GSK3B: variants seen among roughly 807,000 people sequenced by gnomAD.
GSK3B encodes glycogen synthase kinase-3 beta.
GSK3B carries 15 observed loss-of-function variants against 56.4 expected under a neutral mutation model. The ratio of observed to expected loss-of-function variants is 0.27; its 90% CI spans 0.18 to 0.41. The LOEUF (loss-of-function observed/expected upper bound fraction) is 0.41. Among genes scored for constraint, GSK3B ranks in the 10% least tolerant of loss-of-function variants. GSK3B has a pLI of 1.00. For missense variants in GSK3B, 300 were observed against 513.4 expected (o/e 0.58, Z 4.02); for synonymous variants, 181 against 188.9 (o/e 0.96, Z 0.34).
At chr3:120,033,581 T>A (rs1286008988) in intron 1 of GSK3B, among the ~76,000 whole-genome samples, 2 of 152,230 alleles carry the variant, frequency 1.3e-5, no homozygotes, top group South Asian at 2.1e-4. Flanking sequence ...ATGTTGAGCA[T>A]CTTTTCGTGC....
intron 1 of GSK3B, among the ~76,000 whole-genome samples, chr3:120,079,342 ACACACAC>A (rs1559904479): frequency 4.5e-5 from 6 of 134,406 alleles, no homozygotes; most frequent in East Asian, 2.0e-4. Flanking sequence ...ACACACACAC[ACACACAC>A]ATTTTTTTTT....
At chr3:119,918,210 C>G (rs1380319138) in intron 4 of GSK3B, among the ~76,000 whole-genome samples, 1 of 151,950 alleles carries the variant, frequency 6.6e-6, no homozygotes, top group Non-Finnish European at 1.5e-5. Flanking sequence ...GTGGCTCACA[C>G]CTATAACCCT....
At chr3:119,978,103 T>C (rs186759643) in intron 2 of GSK3B, among the ~76,000 whole-genome samples, 1 of 152,234 alleles carries the variant, frequency 6.6e-6, no homozygotes, top group Admixed American at 6.5e-5. Flanking sequence ...TTCACCTTAA[T>C]AAGAAACTGC....
At chr3:119,850,681 G>A (rs1281642894) in intron 9 of GSK3B, among the ~76,000 whole-genome samples, 1 of 152,174 alleles carries the variant, frequency 6.6e-6, no homozygotes, top group Non-Finnish European at 1.5e-5. Context: ...AATATAAACT[G>A]CAGTGAAAGA....
intron 9 of GSK3B, among the ~76,000 whole-genome samples, chr3:119,854,626 C>G (rs991432046): frequency 6.6e-6 from 1 of 152,232 alleles, no homozygotes; most frequent in Non-Finnish European, 1.5e-5. Flanking sequence ...AGGGATTCAA[C>G]TTCTTCCTGG....
intron 1 of GSK3B, among the ~76,000 whole-genome samples, chr3:120,064,217 T>C (rs2058261751): frequency 6.6e-6 from 1 of 151,738 alleles, no homozygotes; most frequent in Non-Finnish European, 1.5e-5. Flanking sequence ...GAGAAAACCT[T>C]ATAACCCTAA....
At chr3:119,866,579 T>A in intron 8 of GSK3B, 1 of 1,588,584 alleles carries the variant, frequency 6.3e-7, no homozygotes, top group Non-Finnish European at 8.6e-7. Flanking sequence ...AAAAAAAAAT[T>A]AAGTACATAC....
At chr3:119,969,929 C>T (rs1487679691) in intron 2 of GSK3B, among the ~76,000 whole-genome samples, 1 of 152,172 alleles carries the variant, frequency 6.6e-6, no homozygotes, top group Non-Finnish European at 1.5e-5. Context: ...TCCCTCCTAC[C>T]AGGTCATGAA....
rs143112121 is a variant in GSK3B at position 119,990,098 on chromosome 3, C to A, written c.282+11948G>T. On this transcript the variant is annotated intron_variant, in intron 2 of 10. Transcript: ENST00000264235. ...TGGCTAAGGTCAGCATGACCATAAACCACAAATAACATCTCCAACCAGAAA... is the reference window on the plus strand; with the variant it reads ...TGGCTAAGGTCAGCATGACCATAAAACACAAATAACATCTCCAACCAGAAA... Among the ~76,000 whole-genome samples, 166 of 152,260 alleles carry A rather than the reference C, an allele frequency of 1.1e-3. 3 individuals are homozygous for A. The East Asian group carries it at 0.028, about 25-fold the overall frequency.
At position 120,046,108 on chromosome 3, in the gene GSK3B, G is replaced by A. The variant is rs546115210; in HGVS notation, c.89-43869C>T. 5.3e-5 allele frequency among the ~76,000 whole-genome samples: 8 copies of A among 152,146 alleles called. No homozygotes were observed. In the South Asian group the frequency reaches 1.2e-3, roughly 24 times the overall value. ...GATGGGAGGAGGGGATGGGAGGAGGGGGATGAGAAGGTGGCTAAATAGGTG... is the reference window on the plus strand; with the variant it reads ...GATGGGAGGAGGGGATGGGAGGAGGAGGATGAGAAGGTGGCTAAATAGGTG... On this transcript the variant is annotated intron_variant, in intron 1 of 10. Transcript: ENST00000264235.
At chr3:119,999,242 A>G (rs1397736929) in intron 2 of GSK3B, among the ~76,000 whole-genome samples, 4 of 152,334 alleles carry the variant, frequency 2.6e-5, no homozygotes, top group Middle Eastern at 3.4e-3. Context: ...TGAGAATCTG[A>G]TACTATGATA....
At chr3:119,857,830 G>C (rs1197369672) in intron 9 of GSK3B, among the ~76,000 whole-genome samples, 1 of 152,106 alleles carries the variant, frequency 6.6e-6, no homozygotes, top group East Asian at 1.9e-4. Context: ...TTAAATAACA[G>C]GACATAAAAG....
At chr3:119,894,519 T>C (rs1031860887) in intron 7 of GSK3B, among the ~76,000 whole-genome samples, 15 of 152,144 alleles carry the variant, frequency 9.9e-5, no homozygotes, top group Non-Finnish European at 1.6e-4. Context: ...ATGTTGAGCA[T>C]CTTTTTGTAT....
chr3:119,980,706 T>A (rs2057452297), intron 2 of GSK3B, among the ~76,000 whole-genome samples: 1 of 152,208 alleles, frequency 6.6e-6, no homozygotes, highest in Non-Finnish European at 1.5e-5. Context: ...TGAAGATAGC[T>A]GTATCTTAAA....
intron 5 of GSK3B, 124 bp downstream of exon 5, chr3:119,915,920 G>A (rs1284238523): frequency 3.1e-6 from 2 of 654,174 alleles, no homozygotes; most frequent in Admixed American, 6.0e-5. Context: ...AGCTGCACTA[G>A]TTTATACTTC....
At chr3:119,827,100 G>A (rs2055522812) in intron 10 of GSK3B, among the ~76,000 whole-genome samples, 1 of 152,190 alleles carries the variant, frequency 6.6e-6, no homozygotes, top group African/African-American at 2.4e-5. Flanking sequence ...GACTCAGGGA[G>A]CCAGAGACCA....
intron 1 of GSK3B, among the ~76,000 whole-genome samples, chr3:120,030,752 T>C (rs2057968165): frequency 6.6e-6 from 1 of 152,214 alleles, no homozygotes; most frequent in East Asian, 1.9e-4. Context: ...TTTTCACCTG[T>C]TACTATATTC....
intron 1 of GSK3B, among the ~76,000 whole-genome samples, chr3:120,025,703 G>C (rs141084932): frequency 3.3e-5 from 5 of 152,276 alleles, no homozygotes; most frequent in Non-Finnish European, 7.4e-5. Flanking sequence ...GGATAAAAAA[G>C]AGTCTACCAG....
chr3:119,998,918 A>T (rs2057650019), intron 2 of GSK3B, among the ~76,000 whole-genome samples: 1 of 152,248 alleles, frequency 6.6e-6, no homozygotes, highest in South Asian at 2.1e-4. Context: ...TATTCAAATA[A>T]CGTACATTTA....
Sources: allele counts gnomAD v4.1 joint callset (sites outside exome capture counted in the v4.1 genomes callset), GRCh38; gene constraint gnomAD v4.1.1; transcripts MANE v1.5; gene names NCBI Gene and HGNC (gene_info 2026-07-23, HGNC 2026-07-21).